The following ANK2 variants were observed in gnomAD, a reference collection of about 807,000 sequenced individuals.
The protein encoded by ANK2 is ankyrin-2.
ANK2 carries 83 observed loss-of-function variants against 360.5 expected under a neutral mutation model. The ratio of observed to expected loss-of-function variants is 0.23; its 90% CI spans 0.19 to 0.28. The LOEUF (loss-of-function observed/expected upper bound fraction) is 0.28. Ranked by LOEUF, ANK2 falls within the 10% of genes least tolerant of loss-of-function variation. The pLI is 1.00. For missense variants in ANK2, 4,201 were observed against 4,795.7 expected, an observed-to-expected ratio of 0.88 and a Z score of 3.66; for synonymous variants, 1,740 against 1,759.5, an observed-to-expected ratio of 0.99 and a Z score of 0.28.
chr4:113,278,040 T>C (rs1563362929), intron 16 of ANK2, 105 bp downstream of exon 16: 4 of 1,086,036 alleles, frequency 3.7e-6, no homozygotes, highest in Non-Finnish European at 5.5e-6. Context: ...TGAGAGCAAC[T>C]GATGAAACTA....
At chr4:113,285,413 C>A (rs2064058899) in intron 18 of ANK2, among the ~76,000 whole-genome samples, 1 of 152,210 alleles carries the variant, frequency 6.6e-6, no homozygotes, top group Non-Finnish European at 1.5e-5. Context: ...GAACTTCTGA[C>A]CTACTGGCTT....
chr4:113,330,763 GGTA>G (rs1484995957), intron 27 of ANK2, among the ~76,000 whole-genome samples: 1 of 152,120 alleles, frequency 6.6e-6, no homozygotes, highest in African/African-American at 2.4e-5. Flanking sequence ...GCCGATGGTA[GGTA>G]TTATTTTCTC....
the ANK2 span, among the ~76,000 whole-genome samples, chr4:112,760,005 C>G: frequency 6.6e-6 from 1 of 152,100 alleles, no homozygotes; most frequent in Non-Finnish European, 1.5e-5. Context: ...AAACTGAGAT[C>G]TAATGTGGTT....
In ANK2 at chr4:113,237,106, G is replaced by A; in HGVS notation, c.603G>A (p.Arg201=). 6.2e-7 allele frequency: 1 copy of A among 1,614,158 alleles called. No individual in the cohort carries two copies. The highest frequency in any genetic ancestry group is 8.5e-7 in the Non-Finnish European group (1 of 1,180,020). The change falls in exon 6 of 46, where the codon AGG becomes AGA. Residue 201 remains arginine, a synonymous_variant. Transcript: ENST00000357077. The part of the protein sequence containing the change: ...VRLPALHIAA[R]KDDTKSAALL... Reference sequence around the variant, plus strand: ...TGCCAGCTCTGCATATTGCCGCTAGGAAAGACGACACCAAATCTGCCGCAC... The same window carrying A: ...TGCCAGCTCTGCATATTGCCGCTAGAAAAGACGACACCAAATCTGCCGCAC...
intron 13 of ANK2, among the ~76,000 whole-genome samples, chr4:113,263,136 C>T (rs1454528495): frequency 2.1e-5 from 3 of 143,582 alleles, no homozygotes; most frequent in African/African-American, 2.7e-5. Flanking sequence ...TGCAGTGAGC[C>T]GAGATCATGC....
chr4:113,357,162 C>A lies in ANK2; in HGVS notation c.8544C>A (p.Ser2848=), dbSNP rs781663204. The change falls in exon 38 of 46, where the codon TCC becomes TCA. Residue 2848 remains serine (S), a synonymous_variant. Transcript: ENST00000357077. ...DCPSESFSSS[S]SLPHCLVSEG... ...CCAGTGAAAGCTTTTCATCTTCATC[C>A]TCTTTGCCTCATTGTTTGGTATCTG... is the stretch of plus-strand genomic sequence containing the variant. 3 of 1,614,140 alleles carry A rather than the reference C, an allele frequency of 1.9e-6. No individual in the cohort carries two copies. The Admixed American group carries it at 5.0e-5, about 27-fold the overall frequency.
upstream of ANK2, among the ~76,000 whole-genome samples, chr4:113,044,760 C>T (rs1031583183): frequency 1.3e-5 from 2 of 152,272 alleles, no homozygotes; most frequent in East Asian, 3.9e-4. Context: ...GTCTCTACAT[C>T]TAGTTTTTTC....
chr4:112,719,126 C>T, the ANK2 span, among the ~76,000 whole-genome samples: 1 of 152,174 alleles, frequency 6.6e-6, no homozygotes, highest in African/African-American at 2.4e-5. Context: ...TTCATCCTCC[C>T]ATCCATTTGA....
At chr4:112,859,069 T>G (rs2067189712) in intron 1 of ANK2, among the ~76,000 whole-genome samples, 1 of 152,194 alleles carries the variant, frequency 6.6e-6, no homozygotes, top group South Asian at 2.1e-4. Flanking sequence ...GCACTCTTCC[T>G]AGAACTTTCC....
At chr4:113,339,182 TC>T (rs756702687) in intron 31 of ANK2, 43 bp from the exon 32 acceptor site, 72 of 1,475,268 alleles carry the variant, frequency 4.9e-5, no homozygotes, top group Non-Finnish European at 6.6e-5. Context: ...GAATCTAGAG[TC>T]TGGAGTTTTG....
At chr4:113,046,825 A>G (rs1291002217), upstream of ANK2, among the ~76,000 whole-genome samples, 1 of 152,230 alleles carries the variant, frequency 6.6e-6, no homozygotes, top group Non-Finnish European at 1.5e-5. Context: ...CATGCACTGT[A>G]TGTTTGAATG....
At chr4:113,160,764 A>G (rs2097505132) in intron 1 of ANK2, among the ~76,000 whole-genome samples, 1 of 152,202 alleles carries the variant, frequency 6.6e-6, no homozygotes, top group Non-Finnish European at 1.5e-5. Context: ...TTTGGACCCC[A>G]CTTGAGCCAT....
chr4:113,162,325 CT>C (rs1354669895), intron 1 of ANK2, among the ~76,000 whole-genome samples: 1 of 152,078 alleles, frequency 6.6e-6, no homozygotes, highest in Non-Finnish European at 1.5e-5. Flanking sequence ...CTGATCTTGC[CT>C]TTTCCTGTCT....
intron 1 of ANK2, among the ~76,000 whole-genome samples, chr4:112,890,847 G>A (rs1203591235): frequency 6.6e-6 from 1 of 152,110 alleles, no homozygotes; most frequent in Non-Finnish European, 1.5e-5. Flanking sequence ...GATTACAGGC[G>A]TGAGCCACTA....
intron 1 of ANK2, among the ~76,000 whole-genome samples, chr4:112,863,035 C>A (rs2068672068): frequency 6.6e-6 from 1 of 152,064 alleles, no homozygotes; most frequent in African/African-American, 2.4e-5. Context: ...AAATGCTTTG[C>A]CATTTTATAA....
At chr4:113,258,940 T>C (rs1313271501) in intron 13 of ANK2, among the ~76,000 whole-genome samples, 2 of 152,182 alleles carry the variant, frequency 1.3e-5, no homozygotes, top group African/African-American at 2.4e-5. Context: ...TAACATTACG[T>C]TGATTTTTAC....
chr4:113,027,653 G>T (rs563448859), intron 2 of ANK2, among the ~76,000 whole-genome samples: 51 of 152,152 alleles, frequency 3.4e-4, no homozygotes, highest in Non-Finnish European at 5.1e-4. Context: ...TATCCCTATT[G>T]AATGTTATGG....
chr4:112,820,460 A>G (rs1284471588), intron 1 of ANK2, among the ~76,000 whole-genome samples: 4 of 152,206 alleles, frequency 2.6e-5, no homozygotes, highest in Non-Finnish European at 5.9e-5. Context: ...CTAAGGAGAG[A>G]ACATTTTCTT....
chr4:113,250,755 G>GC (rs10659682), intron 10 of ANK2, among the ~76,000 whole-genome samples: 2,014 of 60,262 alleles, frequency 0.033, 358 homozygotes, highest in African/African-American at 0.049. Context: ...TCATACCACC[G>GC]CCCCCCCCCC....
Sources: allele counts gnomAD v4.1 joint callset (sites outside exome capture counted in the v4.1 genomes callset), GRCh38; gene constraint gnomAD v4.1.1; transcripts MANE v1.5; gene names NCBI Gene and HGNC (gene_info 2026-07-23, HGNC 2026-07-21).